The following IFITM10 variants were observed in gnomAD, a reference collection of about 807,000 sequenced individuals.
The protein encoded by IFITM10 is interferon-induced transmembrane protein 10.
A neutral mutation model predicts 19.0 loss-of-function variants in IFITM10; 17 were observed. The observed-to-expected ratio is 0.90, with a 90% CI of 0.61 to 1.34. IFITM10 has a LOEUF of 1.34. Ranked by LOEUF, IFITM10 falls within the 40% of genes most tolerant of loss-of-function variation. IFITM10 has a pLI of 0.00. For missense variants in IFITM10, 306 were observed against 319.8 expected (o/e 0.96, Z 0.33); for synonymous variants, 148 against 147.2 (o/e 1.01, Z -0.04).
In IFITM10 at chr11:1,735,235, C is replaced by T. The variant is rs778100884; in HGVS notation, c.*45G>A. 6.0e-5 allele frequency: 93 copies of T among 1,541,102 alleles called. 1 individual carries two copies. The highest frequency in any genetic ancestry group is 8.1e-5 in the Non-Finnish European group (92 of 1,138,756). On this transcript the variant is annotated 3_prime_UTR_variant, in exon 3 of 3. Coordinates refer to ENST00000340134, the MANE Select transcript of IFITM10 (RefSeq NM_001170820.4). ...GCGTTTCAGGGACCATGAGAATAAA[C>T]ATGTCTCAGTGCTTGTCTCCGCCAG... is the stretch of plus-strand genomic sequence containing the variant.
Position 1,734,727 on chromosome 11 carries a change from G to C in IFITM10, c.*553C>G, listed in dbSNP as rs1038583084. 1 of 152,972 alleles carries C rather than the reference G, an allele frequency of 6.5e-6. No individual in the cohort carries two copies. The highest frequency in any genetic ancestry group is 2.4e-5 in the African/African-American group (1 of 41,476). The allele number at this position is 152,972 out of a possible 1,614,324, so 9.5% of individuals were successfully genotyped here. A position where few individuals can be genotyped will look rare whatever the true frequency, so the allele number is the denominator to read the frequency against. ...CACCCGGGGCCCTGACCGCCAGGCA[G>C]TTCCTGAGGGAGGATTGCAAAGCCT... On this transcript the variant is annotated 3_prime_UTR_variant, in exon 3 of 3. Coordinates refer to ENST00000340134, the MANE Select transcript of IFITM10 (RefSeq NM_001170820.4).
At chr11:1,740,412 G>A (rs144362099) in intron 2 of IFITM10, among the ~76,000 whole-genome samples, 1 of 152,090 alleles carries the variant, frequency 6.6e-6, no homozygotes, top group Non-Finnish European at 1.5e-5. Flanking sequence ...CAGTGGTGAA[G>A]GTAGTGAGAC....
chr11:1,744,796 G>C (rs1845619382), intron 2 of IFITM10: 1 of 152,498 alleles, frequency 6.6e-6, no homozygotes, highest in Admixed American at 6.5e-5. Context: ...AACAGATGAG[G>C]GAACAGGGGC....
intron 2 of IFITM10, among the ~76,000 whole-genome samples, chr11:1,737,757 C>T (rs151111960): frequency 5.9e-5 from 9 of 152,266 alleles, no homozygotes; most frequent in African/African-American, 1.9e-4. Flanking sequence ...TCTATGATTG[C>T]GTTAGAATTT....
intron 2 of IFITM10, 26 bp from the exon 3 acceptor site, chr11:1,735,455 T>C (rs1041529301): frequency 1.9e-5 from 29 of 1,547,540 alleles, no homozygotes; most frequent in Non-Finnish European, 2.4e-5. Flanking sequence ...GGACAGGAAA[T>C]GGGCAGTCAG....
At chr11:1,749,011 T>G in intron 1 of IFITM10, 1 of 1,057,572 alleles carries the variant, frequency 9.5e-7, no homozygotes, top group Non-Finnish European at 1.2e-6. Flanking sequence ...CGGCGCCTCC[T>G]CACCTACAAG....
intron 2 of IFITM10, among the ~76,000 whole-genome samples, chr11:1,742,639 C>A (rs1485926360): frequency 6.6e-6 from 1 of 152,082 alleles, no homozygotes; most frequent in African/African-American, 2.4e-5. Context: ...GGTCTATTGA[C>A]AGGTAGGGCT....
intron 2 of IFITM10, among the ~76,000 whole-genome samples, chr11:1,742,371 G>T (rs939253): frequency 0.31 from 47,292 of 151,906 alleles, 8,684 homozygotes; most frequent in African/African-American, 0.51. Context: ...AAAATGAGAG[G>T]GAAAAGAAGA....
At chr11:1,748,294 A>G (rs1845676385) in intron 1 of IFITM10, 175 bp from the exon 2 acceptor site, 1 of 455,856 alleles carries the variant, frequency 2.2e-6, no homozygotes. Context: ...GCCACGGACG[A>G]TGCCAAAGCC....
rs1217623764 is a variant in IFITM10 at position 1,734,966 on chromosome 11, C to G, written c.*314G>C. ...TGTCAGGTCCAAGGGGCCCCAGGAG[C>G]CTGGGAAGGGGCACGTGAGGGCAGG... On this transcript the variant is annotated 3_prime_UTR_variant, in exon 3 of 3. Transcript: ENST00000340134. The G allele has an allele frequency of 7.8e-6, 3 of 383,574 alleles. No homozygotes were observed. The highest frequency in any genetic ancestry group is 2.1e-5 in the African/African-American group (1 of 48,350). The allele number at this position is 383,574 out of a possible 1,614,324, so 23.8% of individuals were successfully genotyped here.
In IFITM10 at chr11:1,735,255, C is replaced by T. The variant is rs199577870; in HGVS notation, c.*25G>A. On this transcript the variant is annotated 3_prime_UTR_variant, in exon 3 of 3. Transcript: ENST00000340134. ...ATAAACATGTCTCAGTGCTTGTCTC[C>T]GCCAGCAGCCGTGCCTGGCGGGCCT... The T allele has an allele frequency of 3.6e-4, 555 of 1,550,448 alleles. 1 individual carries two copies. Among genetic ancestry groups the T allele is most frequent in the Non-Finnish European group, 3.5e-4 (403 of 1,146,120 alleles).
intron 1 of IFITM10, 143 bp downstream of exon 1, chr11:1,750,216 T>C: frequency 2.8e-6 from 4 of 1,438,578 alleles, no homozygotes; most frequent in East Asian, 5.0e-5. Flanking sequence ...ACTCTCACGG[T>C]ATGCTTGACG....
rs2133638542 is a variant in IFITM10, at chr11:1,734,682, T to A, written c.*598A>T. 1 of 152,466 alleles carries A rather than the reference T, an allele frequency of 6.6e-6. No individual in the cohort carries two copies. The highest frequency in any genetic ancestry group is 1.9e-4 in the East Asian group (1 of 5,154). 9.4% of individuals were successfully genotyped at this position (152,466 alleles called of 1,614,324 possible). On this transcript the variant is annotated 3_prime_UTR_variant, in exon 3 of 3. Coordinates refer to ENST00000340134, the MANE Select transcript of IFITM10 (RefSeq NM_001170820.4). ...AGCTGTGATGGAGCAGACCGTCCCC[T>A]GCAGTCTGTTGGGACACAGCACCCG...
Position 1,735,065 on chromosome 11 carries a change from G to A in IFITM10, c.*215C>T, listed in dbSNP as rs1010363808. On this transcript the variant is annotated 3_prime_UTR_variant, in exon 3 of 3. Transcript: ENST00000340134. Reference sequence around the variant, plus strand: ...AGGCCCCAGACACAGGCAGGGTGGAGGCCAGGAGGCGGAGGGGGTGGACTG... The same window carrying A: ...AGGCCCCAGACACAGGCAGGGTGGAAGCCAGGAGGCGGAGGGGGTGGACTG... The A allele has an allele frequency of 5.3e-6, 3 of 566,360 alleles. No individual in the cohort carries two copies. The highest frequency in any genetic ancestry group is 9.3e-6 in the Non-Finnish European group (3 of 321,730). The allele number at this position is 566,360 out of a possible 1,614,324, so 35.1% of individuals were successfully genotyped here.
At chr11:1,742,990 T>TGGATGGATGG (rs112458042) in intron 2 of IFITM10, among the ~76,000 whole-genome samples, 1 of 131,174 alleles carries the variant, frequency 7.6e-6, no homozygotes, top group African/African-American at 2.8e-5. Context: ...TGGATGGACA[T>TGGATGGATGG]ATGGATGGAT....
At chr11:1,738,519 A>G (rs770864697) in intron 2 of IFITM10, among the ~76,000 whole-genome samples, 13 of 152,206 alleles carry the variant, frequency 8.5e-5, no homozygotes, top group Admixed American at 2.0e-4. Flanking sequence ...TGTATGCCAC[A>G]TGGGTGGGGC....
intron 2 of IFITM10, chr11:1,746,004 A>C (rs1391501602): frequency 1.3e-5 from 2 of 151,130 alleles, no homozygotes; most frequent in East Asian, 4.0e-4. Context: ...ACTCAGGTAC[A>C]TACAGACAGT....
intron 2 of IFITM10, among the ~76,000 whole-genome samples, 159 bp downstream of exon 2, chr11:1,747,508 A>ACCCC (rs1397101243): frequency 6.6e-6 from 1 of 152,046 alleles, no homozygotes; most frequent in Non-Finnish European, 1.5e-5. Flanking sequence ...CACCATCAGG[A>ACCCC]CCCCTCACTG....
At chr11:1,749,544 G>A (rs1845694546) in intron 1 of IFITM10, among the ~76,000 whole-genome samples, 1 of 151,308 alleles carries the variant, frequency 6.6e-6, no homozygotes. Context: ...TCCCCATGGC[G>A]CTCCACCCCA....
Sources: allele counts gnomAD v4.1 joint callset (sites outside exome capture counted in the v4.1 genomes callset), GRCh38; gene constraint gnomAD v4.1.1; transcripts MANE v1.5; gene names NCBI Gene and HGNC (gene_info 2026-07-23, HGNC 2026-07-21).